MLLT10: variants seen among roughly 807,000 people sequenced by gnomAD.
The protein encoded by MLLT10 is MLLT10 histone lysine methyltransferase DOT1L cofactor, also known as protein AF-10.
A neutral mutation model predicts 129.1 loss-of-function variants in MLLT10; 30 were observed. The ratio of observed to expected loss-of-function variants is 0.23; its 90% confidence interval spans 0.17 to 0.32. MLLT10 has a LOEUF of 0.32. MLLT10 is among the 10% of genes least tolerant of loss of function. MLLT10 has a pLI of 1.00. For missense variants in MLLT10, 1,119 were observed against 1,268.3 expected (o/e 0.88, Z 1.79); for synonymous variants, 490 against 446.4 (o/e 1.10, Z -1.23).
chr10:21,707,262 G>A (rs1409443028), intron 13 of MLLT10, among the ~76,000 whole-genome samples: 1 of 145,120 alleles, frequency 6.9e-6, no homozygotes, highest in Non-Finnish European at 1.5e-5. Context: ...GCGCGATCTC[G>A]ACTCACTGCA....
intron 13 of MLLT10, chr10:21,708,831 C>A: frequency 1.3e-6 from 1 of 745,460 alleles, no homozygotes; most frequent in Non-Finnish European, 1.6e-6. Context: ...GTAGTTACAA[C>A]AGTGTACTTT....
intron 9 of MLLT10, among the ~76,000 whole-genome samples, chr10:21,669,981 C>T (rs892881135): frequency 6.6e-6 from 1 of 151,958 alleles, no homozygotes; most frequent in African/African-American, 2.4e-5. Context: ...CTCTGTCCTC[C>T]GCTAGCCTTA....
intron 14 of MLLT10, among the ~76,000 whole-genome samples, chr10:21,717,876 T>TCTCCTC (rs1564712327): frequency 1.3e-5 from 1 of 75,666 alleles, no homozygotes; most frequent in African/African-American, 5.5e-5. Flanking sequence ...TCCTCCTCCT[T>TCTCCTC]CTCCTCCTCC....
intron 3 of MLLT10, chr10:21,556,941 A>T: frequency 6.5e-7 from 1 of 1,544,876 alleles, no homozygotes; most frequent in South Asian, 1.2e-5. Context: ...GAGAGGTGGT[A>T]GTGTTTAAGT....
At chr10:21,584,693 A>G (rs114843321) in intron 3 of MLLT10, among the ~76,000 whole-genome samples, 2,300 of 151,782 alleles carry the variant, frequency 0.015, 50 homozygotes, top group African/African-American at 0.052. Context: ...TTTTTGTTGT[A>G]ATTTATATAT....
chr10:21,568,225 G>A (rs1020882575), intron 3 of MLLT10, among the ~76,000 whole-genome samples: 4 of 152,172 alleles, frequency 2.6e-5, no homozygotes, highest in African/African-American at 7.2e-5. Context: ...GAATACCCAG[G>A]GAATTTACTG....
chr10:21,585,570 C>T (rs2041908580), intron 3 of MLLT10, among the ~76,000 whole-genome samples: 1 of 152,148 alleles, frequency 6.6e-6, no homozygotes, highest in Admixed American at 6.5e-5. Context: ...TAAGAGAAAC[C>T]AGACCTACTT....
At chr10:21,573,588 GTAT>G (rs1176741361) in intron 3 of MLLT10, among the ~76,000 whole-genome samples, 2 of 151,348 alleles carry the variant, frequency 1.3e-5, no homozygotes, top group African/African-American at 4.8e-5. Flanking sequence ...GTGTCATGGT[GTAT>G]TATTCTTTTT....
intron 8 of MLLT10, among the ~76,000 whole-genome samples, chr10:21,637,906 T>C (rs2047607108): frequency 6.6e-6 from 1 of 152,172 alleles, no homozygotes; most frequent in Admixed American, 6.5e-5. Context: ...TACTAGCCTT[T>C]TTTCACTGGC....
intron 9 of MLLT10, among the ~76,000 whole-genome samples, chr10:21,658,669 CT>C (rs1214573275): frequency 6.6e-6 from 1 of 152,010 alleles, no homozygotes; most frequent in Non-Finnish European, 1.5e-5. Context: ...TAGGTATATG[CT>C]TTTTTTGTAT....
intron 3 of MLLT10, among the ~76,000 whole-genome samples, chr10:21,551,256 C>CAGGCT (rs2036969302): frequency 6.8e-6 from 1 of 148,128 alleles, no homozygotes; most frequent in African/African-American, 2.5e-5. Context: ...TGCAAGAAGC[C>CAGGCT]AGGCTGAGTG....
chr10:21,597,960 T>C (rs2043172373), intron 5 of MLLT10, among the ~76,000 whole-genome samples: 1 of 152,220 alleles, frequency 6.6e-6, no homozygotes, highest in Admixed American at 6.5e-5. Context: ...GTTAATCTTT[T>C]TTCTTTTTAT....
At chr10:21,692,001 CAAAAAAAAA>C (rs929971187) in intron 13 of MLLT10, among the ~76,000 whole-genome samples, 1 of 50,172 alleles carries the variant, frequency 2.0e-5, no homozygotes, top group East Asian at 8.5e-4. Flanking sequence ...CTCATATCTA[CAAAAAAAAA>C]AAAAAAAAAA....
intron 3 of MLLT10, among the ~76,000 whole-genome samples, chr10:21,560,054 G>A (rs1438776882): frequency 1.3e-5 from 2 of 152,024 alleles, no homozygotes; most frequent in Non-Finnish European, 1.5e-5. Context: ...TGCCCACGCT[G>A]GAGTGCAATG....
At chr10:21,685,551 T>C (rs1161120074) in intron 13 of MLLT10, among the ~76,000 whole-genome samples, 4 of 152,108 alleles carry the variant, frequency 2.6e-5, no homozygotes, top group Admixed American at 2.6e-4. Context: ...GCCAGGCTGG[T>C]CTCAAACTCC....
chr10:21,595,480 ACTGGG>A, intron 5 of MLLT10, 40 bp downstream of exon 5: 1 of 1,462,074 alleles, frequency 6.8e-7, no homozygotes, highest in Non-Finnish European at 9.5e-7. Flanking sequence ...GAATATCACT[ACTGGG>A]AAGTAGAAAG....
At position 21,673,574 on chromosome 10, in the gene MLLT10, G is replaced by C; in HGVS notation, c.1276G>C (p.Val426Leu). Residue 426 changes from valine (V) to leucine (L), a missense_variant, in exon 11 of 23, where the codon GTT becomes CTT. Val to Leu is a conservative substitution (Grantham distance 32). Coordinates refer to ENST00000307729, the MANE Select transcript of MLLT10 (RefSeq NM_001195626.3). ...TLIGLPSTSAVTSQPKSFENS... is the reference protein window; with the variant it reads ...TLIGLPSTSALTSQPKSFENS... ...AATTGGCCTCCCTTCAACCTCAGCT[G>C]TTACTTCACAGCCTAAAAGCTTTGA... 1 of 1,613,158 alleles carries C rather than the reference G, an allele frequency of 6.2e-7. No homozygotes were observed.
At chr10:21,645,118 T>A (rs2048357737) in intron 8 of MLLT10, among the ~76,000 whole-genome samples, 1 of 152,166 alleles carries the variant, frequency 6.6e-6, no homozygotes, top group Non-Finnish European at 1.5e-5. Flanking sequence ...TTTGGGACTT[T>A]CGGTTATATT....
intron 13 of MLLT10, among the ~76,000 whole-genome samples, chr10:21,696,511 T>C (rs1180234348): frequency 1.3e-5 from 2 of 152,190 alleles, no homozygotes; most frequent in African/African-American, 4.8e-5. Context: ...GGCTCTCACA[T>C]TGCCAAGTCA....
Sources: gnomAD v4.1 joint callset for allele counts (sites outside exome capture counted in the v4.1 genomes callset) on GRCh38, gnomAD v4.1.1 for gene constraint, MANE v1.5 for transcripts, NCBI Gene and HGNC (gene_info 2026-07-23, HGNC 2026-07-21) for gene names.